Variants in WTIP observed in about 807,000 individuals in gnomAD.
WTIP encodes the protein WT1 interacting protein.
Under a neutral mutation model 41.7 loss-of-function variants are expected in WTIP, and 23 were observed. The ratio of observed to expected loss-of-function variants is 0.55; its 90% CI spans 0.40 to 0.78. The LOEUF (loss-of-function observed/expected upper bound fraction) is 0.78, where lower values mean the gene tolerates loss of function less well. Among genes scored for constraint, WTIP ranks in the 30% least tolerant of loss-of-function variants. The pLI is 0.00. For synonymous variants in WTIP, 314 were observed against 269.9 expected (o/e 1.16, Z -1.60); for missense variants, 619 against 610.5 (o/e 1.01, Z -0.15).
At position 34,494,532 on chromosome 19, in the gene WTIP, C is replaced by A; in HGVS notation, c.1032-54C>A. 5 of 1,579,914 alleles carry A rather than the reference C, an allele frequency of 3.2e-6. No homozygotes were observed. In the South Asian group the frequency reaches 5.6e-5, roughly 18 times the overall value. ...TCCTGTGGGTGCCCCTGTGCTTGTGCCCTTGGCCTCTGGTCACTCAGCTGA... is the reference window on the plus strand; with the variant it reads ...TCCTGTGGGTGCCCCTGTGCTTGTGACCTTGGCCTCTGGTCACTCAGCTGA... On this transcript the variant is annotated intron_variant, in intron 5 of 7. Coordinates refer to ENST00000590071, the MANE Select transcript of WTIP (RefSeq NM_001080436.2).
rs1163805393 is a variant in WTIP at position 34,482,275 on chromosome 19, G to A, written c.301G>A (p.Gly101Ser). 8 of 1,311,450 alleles carry A rather than the reference G, an allele frequency of 6.1e-6. No individual in the cohort carries two copies. Among genetic ancestry groups the A allele is most frequent in the Non-Finnish European group, 6.8e-6 (7 of 1,023,158 alleles). The allele number at this position is 1,311,450 out of a possible 1,614,324, so 81.2% of individuals were successfully genotyped here. A position where few individuals can be genotyped will look rare whatever the true frequency, so the allele number is the denominator to read the frequency against. ...CCTGGCGGGGTCCGACGGCGGCGGC[G>A]GTGGCGGCAGCGCCCGATCCAGCGG... The part of the protein sequence containing the change: ...ASLAGSDGGG[G>S]GGSARSSGIS... Residue 101 changes from glycine to serine, a missense_variant, in exon 1 of 8, where the codon GGT becomes AGT. This residue lies in a region of WTIP where 363 missense variants were observed against 309.0 expected (regional missense o/e 1.17). Transcript: ENST00000590071.
chr19:34,485,595 A>T (rs1174196603), intron 1 of WTIP, among the ~76,000 whole-genome samples: 2 of 142,824 alleles, frequency 1.4e-5, no homozygotes, highest in African/African-American at 2.6e-5. Context: ...TTTTAAATTA[A>T]TTTTTTTTTT....
rs182079872 is a variant in WTIP at position 34,487,658 on chromosome 19, G to A, written c.668-2718G>A. ...GTGGGCCATGTTCTCTTTGTTGACTGAGGAAAGGCGGGGAATGGGGCGGCT... is the reference window on the plus strand; with the variant it reads ...GTGGGCCATGTTCTCTTTGTTGACTAAGGAAAGGCGGGGAATGGGGCGGCT... On this transcript the variant is annotated intron_variant, in intron 1 of 7. Transcript: ENST00000590071. Among the ~76,000 whole-genome samples the A allele has an allele frequency of 1.2e-3, 184 of 152,326 alleles. 1 individual carries two copies. The highest frequency in any genetic ancestry group is 4.2e-3 in the African/African-American group (176 of 41,588).
chr19:34,482,278 GGCGGCAGCGCCCGATCCAGCGGCATCAGC>G lies in WTIP; in HGVS notation c.305_333del (p.Gly102AlafsTer47). On this transcript the variant is annotated frameshift_variant, in exon 1 of 8. Transcript: ENST00000590071. LOFTEE classifies it high-confidence loss of function. The stretch of plus-strand genomic sequence containing the variant: ...GGCGGGGTCCGACGGCGGCGGCGGT[GGCGGCAGCGCCCGATCCAGCGGCATCAGC>G]CTGGGCTACGACCAGCGCCACGGCA... 7.6e-7 allele frequency: 1 copy of G among 1,316,664 alleles called. No individual in the cohort carries two copies. The highest frequency in any genetic ancestry group is 9.7e-7 in the Non-Finnish European group (1 of 1,025,882). The allele number at this position is 1,316,664 out of a possible 1,614,324, so 81.6% of individuals were successfully genotyped here.
rs1344731926 is a variant in WTIP, at chr19:34,506,559, C to T, written c.*6290C>T. ...GTCACTTGAGGTCAGGAGTTCGAGA[C>T]AATCCTGGCCAACATGGCGAAACCC... On this transcript the variant is annotated 3_prime_UTR_variant, in exon 8 of 8. Coordinates refer to ENST00000590071, the MANE Select transcript of WTIP (RefSeq NM_001080436.2). The T allele has an allele frequency of 6.6e-6, 1 of 151,864 alleles. No homozygotes were observed. Among genetic ancestry groups the T allele is most frequent in the East Asian group, 1.9e-4 (1 of 5,150 alleles). 9.4% of individuals were successfully genotyped at this position (151,864 alleles called of 1,614,324 possible).
rs552372008 is a variant in WTIP, at chr19:34,503,776, C to T, written c.*3507C>T. On this transcript the variant is annotated 3_prime_UTR_variant, in exon 8 of 8. Transcript: ENST00000590071. ...TGCTGAGGCTGGAGCTGACCCTGCC[C>T]TGGCCTTCAGGGTCTTGGCTTAGTT... 6.6e-6 allele frequency: 1 copy of T among 151,896 alleles called. No individual in the cohort carries two copies. Among genetic ancestry groups the T allele is most frequent in the Admixed American group, 6.7e-5 (1 of 14,922 alleles). The allele number at this position is 151,896 out of a possible 1,614,324, so 9.4% of individuals were successfully genotyped here.
Position 34,493,090 on chromosome 19 carries a change from C to T in WTIP, c.823C>T (p.Gln275Ter). 6.2e-7 allele frequency: 1 copy of T among 1,613,922 alleles called. No homozygotes were observed. Among genetic ancestry groups the T allele is most frequent in the East Asian group, 2.2e-5 (1 of 44,856 alleles). ...FYNVGEKVYCQEDFLYSGFQQ... is the reference protein window; with the variant it reads ...FYNVGEKVYC ...CAACGTGGGTGAGAAAGTGTACTGC[C>T]AGGAGGACTTCCTGGTGAGTCCAAG... The change falls in exon 3 of 8, where the codon CAG (glutamine) becomes TAG (stop). Residue 275 changes from glutamine (Q) to a stop codon, truncating the protein, a stop_gained. Transcript: ENST00000590071. LOFTEE classifies it high-confidence loss of function. This position sits in a 1 kb window ranked among gnomAD's most constrained non-coding sequence, Gnocchi z 4.1.
In WTIP at chr19:34,481,992, G is replaced by C; in HGVS notation, c.18G>C (p.Ala6=). The C allele has an allele frequency of 3.0e-6, 3 of 1,013,688 alleles. No homozygotes were observed. Among genetic ancestry groups the C allele is most frequent in the Non-Finnish European group, 1.2e-6 (1 of 849,730 alleles). The allele number at this position is 1,013,688 out of a possible 1,614,324, so 62.8% of individuals were successfully genotyped here. Residue 6 remains alanine, a synonymous_variant, in exon 1 of 8, where the codon GCG becomes GCC. Coordinates refer to ENST00000590071, the MANE Select transcript of WTIP (RefSeq NM_001080436.2). The part of the protein sequence containing the change: MQRSR[A]GADEAALLLA... ...GCCGGGCCATGCAGCGCTCCAGGGC[G>C]GGCGCGGACGAGGCGGCCCTACTCC...
intron 1 of WTIP, among the ~76,000 whole-genome samples, chr19:34,486,070 A>G (rs544130590): frequency 1.1e-4 from 17 of 151,936 alleles, no homozygotes; most frequent in African/African-American, 2.7e-4. Context: ...AACCTTTTCA[A>G]CTTTGGTGAC....
At chr19:34,485,568 A>T (rs554247106) in intron 1 of WTIP, among the ~76,000 whole-genome samples, 400 of 152,072 alleles carry the variant, frequency 2.6e-3, no homozygotes, top group African/African-American at 9.1e-3. Context: ...CCTCGTCCTC[A>T]GAGTGTGGCT....
Position 34,493,162 on chromosome 19 carries a change from A to C in WTIP, c.837+58A>C, listed in dbSNP as rs546189770. 6 of 1,613,190 alleles carry C rather than the reference A, an allele frequency of 3.7e-6. No homozygotes were observed. The African/African-American group carries it at 8.0e-5, about 22-fold the overall frequency. ...GGTGGGAGGTGGGGCAGGGACCCTC[A>C]TTCTGACTCGAGTGGAGACCTGAGG... is the stretch of plus-strand genomic sequence containing the variant. On this transcript the variant is annotated intron_variant, in intron 3 of 7. Coordinates refer to ENST00000590071, the MANE Select transcript of WTIP (RefSeq NM_001080436.2). This position sits in a 1 kb window ranked among gnomAD's most constrained non-coding sequence, Gnocchi z 4.1.
rs893889760 is a variant in WTIP at position 34,501,406 on chromosome 19, A to C, written c.*1137A>C. 3 of 152,226 alleles carry C rather than the reference A, an allele frequency of 2.0e-5. No individual in the cohort carries two copies. Among genetic ancestry groups the C allele is most frequent in the African/African-American group, 4.8e-5 (2 of 41,420 alleles). 9.4% of individuals were successfully genotyped at this position (152,226 alleles called of 1,614,324 possible). A position where few individuals can be genotyped will look rare whatever the true frequency, so the allele number is the denominator to read the frequency against. On this transcript the variant is annotated 3_prime_UTR_variant, in exon 8 of 8. Transcript: ENST00000590071. ...GGTCGCCCCATGAAATGCAGTGTGG[A>C]GGTCCCTCCGTGCTCCCCGGGACAC...
At chr19:34,482,686 T>C in intron 1 of WTIP, 45 bp downstream of exon 1, 1 of 1,219,700 alleles carries the variant, frequency 8.2e-7, no homozygotes, top group Non-Finnish European at 1.0e-6. Context: ...ATGGCTGGGG[T>C]CCGGGGTTCC....
Position 34,481,867 on chromosome 19 carries a change from G to A in WTIP, c.-108G>A. ...CGGCCCCGCCCCGCCCCGCGCCCAG[G>A]GGTCCCGGGGCGGGCTCCGGGCTTC... On this transcript the variant is annotated 5_prime_UTR_variant, in exon 1 of 8. Transcript: ENST00000590071. The A allele has an allele frequency of 1.6e-6, 1 of 627,412 alleles. No homozygotes were observed. Among genetic ancestry groups the A allele is most frequent in the Non-Finnish European group, 2.0e-6 (1 of 504,488 alleles). 38.9% of individuals were successfully genotyped at this position (627,412 alleles called of 1,614,324 possible).
In WTIP at chr19:34,509,611, A is replaced by T. The variant is rs1033512512; in HGVS notation, c.*9342A>T. The T allele has an allele frequency of 2.0e-5, 3 of 152,200 alleles. No homozygotes were observed. The highest frequency in any genetic ancestry group is 7.2e-5 in the African/African-American group (3 of 41,448). The allele number at this position is 152,200 out of a possible 1,614,324, so 9.4% of individuals were successfully genotyped here. On this transcript the variant is annotated 3_prime_UTR_variant, in exon 8 of 8. Coordinates refer to ENST00000590071, the MANE Select transcript of WTIP (RefSeq NM_001080436.2). The stretch of plus-strand genomic sequence containing the variant: ...ATGTCCTCACATTTCAAAACCAATC[A>T]TGACTTCCCAACAGTCCCCCAAATT...
chr19:34,507,078 G>T lies in WTIP; in HGVS notation c.*6809G>T, dbSNP rs35373524. 0.21 allele frequency: 31,340 copies of T among 151,748 alleles called. 3,493 individuals carry two copies. The highest frequency in any genetic ancestry group is 0.44 in the East Asian group (2,250 of 5,120). 9.4% of individuals were successfully genotyped at this position (151,748 alleles called of 1,614,324 possible). On this transcript the variant is annotated 3_prime_UTR_variant, in exon 8 of 8. Coordinates refer to ENST00000590071, the MANE Select transcript of WTIP (RefSeq NM_001080436.2). Reference sequence around the variant, plus strand: ...CTCTACTAAAAATACAAAATTTTTAGCCGGGCATGGTGGCGCATGCCTGTA... The same window carrying T: ...CTCTACTAAAAATACAAAATTTTTATCCGGGCATGGTGGCGCATGCCTGTA...
Position 34,482,644 on chromosome 19 carries a change from G to C in WTIP, c.667+3G>C, listed in dbSNP as rs1456050929. On this transcript the variant is annotated splice_donor_region_variant and intron_variant, in intron 1 of 7. Coordinates refer to ENST00000590071, the MANE Select transcript of WTIP (RefSeq NM_001080436.2). The stretch of plus-strand genomic sequence containing the variant: ...GCGCACGGCGCGGGACTACTTCGGT[G>C]AGCTCGCTCGGCCCGGCAGTTCCCT... The C allele has an allele frequency of 3.3e-6, 4 of 1,227,838 alleles. No individual in the cohort carries two copies. The highest frequency in any genetic ancestry group is 4.1e-6 in the Non-Finnish European group (4 of 985,550). 76.1% of individuals were successfully genotyped at this position (1,227,838 alleles called of 1,614,324 possible).
intron 2 of WTIP, among the ~76,000 whole-genome samples, chr19:34,490,753 C>T (rs1203724596): frequency 1.3e-5 from 2 of 152,224 alleles, no homozygotes; most frequent in African/African-American, 4.8e-5. Flanking sequence ...CTGGGAGCAG[C>T]GTCAGAAGCC....
In WTIP at chr19:34,482,433, C is replaced by T. The variant is rs2075772581; in HGVS notation, c.459C>T (p.Ala153=). The T allele has an allele frequency of 1.5e-6, 2 of 1,339,064 alleles. No individual in the cohort carries two copies. The highest frequency in any genetic ancestry group is 1.9e-6 in the Non-Finnish European group (2 of 1,044,406). The allele number at this position is 1,339,064 out of a possible 1,614,324, so 82.9% of individuals were successfully genotyped here. A position where few individuals can be genotyped will look rare whatever the true frequency, so the allele number is the denominator to read the frequency against. Residue 153 remains alanine (A), a synonymous_variant, in exon 1 of 8, where the codon GCC becomes GCT. Transcript: ENST00000590071. ...SVSSLGSRGS[A]GAYADFLPPG... is the part of the protein sequence containing the mutation. ...CCAGCCTCGGCTCCCGGGGCTCGGC[C>T]GGCGCCTACGCTGACTTCCTCCCGC...
Sources: allele counts gnomAD v4.1 joint callset (sites outside exome capture counted in the v4.1 genomes callset), GRCh38; gene constraint gnomAD v4.1.1; regional missense constraint gnomAD v4.1.1; non-coding constraint Gnocchi (gnomAD v3.1); transcripts MANE v1.5; gene names NCBI Gene and HGNC (gene_info 2026-07-23, HGNC 2026-07-21).